LIX1: variants seen among roughly 807,000 people sequenced by gnomAD.
LIX1 encodes the protein protein limb expression 1 homolog.
A neutral mutation model predicts 33.4 loss-of-function variants in LIX1; 24 were observed. The observed-to-expected ratio is 0.72, with a 90% CI of 0.52 to 1.01. The LOEUF is 1.01. Among genes scored for constraint, LIX1 ranks in the 50% least tolerant of loss-of-function variants. The pLI is 0.00. For missense variants in LIX1, 311 were observed against 339.2 expected, an observed-to-expected ratio of 0.92 and a Z score of 0.65; for synonymous variants, 124 against 124.0, an observed-to-expected ratio of 1.00 and a Z score of 0.00.
At position 97,094,909 on chromosome 5, in the gene LIX1, T is replaced by C. The variant is rs1415554802; in HGVS notation, c.688A>G (p.Arg230Gly). 3 of 1,614,180 alleles carry C rather than the reference T, an allele frequency of 1.9e-6. No homozygotes were observed. The highest frequency in any genetic ancestry group is 1.7e-6 in the Non-Finnish European group (2 of 1,180,036). The part of the protein sequence containing the change: ...IVSQELRMAL[R>G]QLEEARKAGQ... ...GCTTTCCTGGCTTCCTCCAACTGCCTCAGGGCCATTCGTAGCTCTTGAGAG... is the reference window on the plus strand; with the variant it reads ...GCTTTCCTGGCTTCCTCCAACTGCCCCAGGGCCATTCGTAGCTCTTGAGAG... The change falls in exon 6 of 6, where the codon AGG becomes GGG. Residue 230 changes from arginine (R) to glycine (G), a missense_variant. Transcript: ENST00000274382.
intron 1 of LIX1, among the ~76,000 whole-genome samples, chr5:97,128,159 G>A (rs2112792574): frequency 6.6e-6 from 1 of 152,268 alleles, no homozygotes; most frequent in East Asian, 1.9e-4. Flanking sequence ...GACTATCTCT[G>A]CTTCCTTATG....
intron 1 of LIX1, among the ~76,000 whole-genome samples, chr5:97,127,137 G>A (rs533355704): frequency 6.6e-6 from 1 of 152,274 alleles, no homozygotes; most frequent in South Asian, 2.1e-4. Flanking sequence ...ATTGAAGACT[G>A]TAACTAATGC....
In LIX1 at chr5:97,103,913, C is replaced by A. The variant is rs561920023; in HGVS notation, c.483+1277G>T. Among the ~76,000 whole-genome samples, 1,079 of 146,574 alleles carry A rather than the reference C, an allele frequency of 7.4e-3. 13 individuals carry two copies. The highest frequency in any genetic ancestry group is 0.026 in the African/African-American group (1,017 of 39,758). On this transcript the variant is annotated intron_variant, in intron 4 of 5. Transcript: ENST00000274382. ...CTGGGAGGCAGAGCTTGCAGTGAGC[C>A]AAGATCAGGCCACTGCACTCCAGCC...
chr5:97,099,403 GT>G (rs1746561903), intron 4 of LIX1, among the ~76,000 whole-genome samples: 2 of 152,148 alleles, frequency 1.3e-5, no homozygotes, highest in Admixed American at 6.5e-5. Flanking sequence ...TGGGAAGATT[GT>G]TTTAATATTT....
At chr5:97,107,264 T>TA in intron 3 of LIX1, 96 bp downstream of exon 3, 1 of 1,266,080 alleles carries the variant, frequency 7.9e-7, no homozygotes, top group Non-Finnish European at 1.1e-6. Flanking sequence ...ACAGAATTCT[T>TA]AAAATAAGAA....
chr5:97,134,237 A>G (rs1185937837), intron 1 of LIX1, among the ~76,000 whole-genome samples: 1 of 152,216 alleles, frequency 6.6e-6, no homozygotes, highest in Non-Finnish European at 1.5e-5. Flanking sequence ...CTCCTGCCTC[A>G]GCTTCCTGAG....
At chr5:97,120,233 T>G (rs1747744851) in intron 2 of LIX1, among the ~76,000 whole-genome samples, 1 of 152,204 alleles carries the variant, frequency 6.6e-6, no homozygotes, top group African/African-American at 2.4e-5. Context: ...TAGCTGACTA[T>G]TGGTTACATA....
At chr5:97,103,632 C>G (rs542374918) in intron 4 of LIX1, among the ~76,000 whole-genome samples, 8 of 152,146 alleles carry the variant, frequency 5.3e-5, no homozygotes, top group African/African-American at 1.9e-4. Flanking sequence ...AGACAGGCTA[C>G]GTCAAAGGTC....
At chr5:97,113,923 A>G (rs1747546362) in intron 2 of LIX1, among the ~76,000 whole-genome samples, 1 of 152,182 alleles carries the variant, frequency 6.6e-6, no homozygotes, top group Non-Finnish European at 1.5e-5. Flanking sequence ...GATAAATGGT[A>G]CTCACTGAGG....
intron 2 of LIX1, among the ~76,000 whole-genome samples, chr5:97,114,618 G>A (rs1000678539): frequency 1.2e-4 from 18 of 152,108 alleles, no homozygotes; most frequent in Admixed American, 5.9e-4. Context: ...TACTGAATCC[G>A]AATCTCTTCA....
intron 1 of LIX1, among the ~76,000 whole-genome samples, chr5:97,126,805 A>C (rs1747939383): frequency 1.3e-5 from 2 of 151,662 alleles, no homozygotes; most frequent in African/African-American, 4.8e-5. Flanking sequence ...ACGCCCAGCT[A>C]ATTTTTTTGT....
intron 2 of LIX1, among the ~76,000 whole-genome samples, chr5:97,110,384 C>T (rs1219893583): frequency 6.6e-6 from 1 of 152,170 alleles, no homozygotes; most frequent in Non-Finnish European, 1.5e-5. Flanking sequence ...CAATTAAGGG[C>T]AGGCAGAAGA....
At chr5:97,116,940 C>A (rs1422722927) in intron 2 of LIX1, among the ~76,000 whole-genome samples, 3 of 152,052 alleles carry the variant, frequency 2.0e-5, no homozygotes, top group Non-Finnish European at 2.9e-5. Context: ...TACCATGGGG[C>A]CTTTCCTAAT....
chr5:97,140,539 A>G (rs564218761), intron 1 of LIX1, among the ~76,000 whole-genome samples: 274 of 152,316 alleles, frequency 1.8e-3, no homozygotes, highest in Non-Finnish European at 2.7e-3. Flanking sequence ...TGGGTATGCC[A>G]AAGAAAATGG....
intron 2 of LIX1, among the ~76,000 whole-genome samples, chr5:97,123,485 C>T (rs1299844650): frequency 1.3e-5 from 2 of 152,114 alleles, no homozygotes; most frequent in African/African-American, 2.4e-5. Flanking sequence ...TAGTGAAGTC[C>T]CTTCACCTTT....
In LIX1 at chr5:97,120,274, T is replaced by A. The variant is rs143385625; in HGVS notation, c.246+4192A>T. Among the ~76,000 whole-genome samples the A allele has an allele frequency of 3.5e-3, 531 of 152,346 alleles. 5 individuals are homozygous for A. The highest frequency in any genetic ancestry group is 0.012 in the African/African-American group (499 of 41,574). On this transcript the variant is annotated intron_variant, in intron 2 of 5. Transcript: ENST00000274382. ...ATGGACAAACATTAACTTCATTTAT[T>A]CTTTGGATTTGTTATTCATTCATTT...
At chr5:97,095,967 A>G (rs1316982953) in intron 5 of LIX1, among the ~76,000 whole-genome samples, 1 of 152,236 alleles carries the variant, frequency 6.6e-6, no homozygotes, top group Non-Finnish European at 1.5e-5. Context: ...CATCTTTGAC[A>G]TCTGAAACCT....
chr5:97,106,722 C>T (rs887502196), intron 3 of LIX1, among the ~76,000 whole-genome samples: 1 of 152,092 alleles, frequency 6.6e-6, no homozygotes, highest in Non-Finnish European at 1.5e-5. Flanking sequence ...AAAAAAAAAT[C>T]CTATCTAATT....
chr5:97,096,691 T>C (rs951069835), intron 5 of LIX1, 119 bp downstream of exon 5: 2 of 718,196 alleles, frequency 2.8e-6, no homozygotes, highest in African/African-American at 1.8e-5. Flanking sequence ...CTGCTCTTAA[T>C]AAATAAGGTA....
Sources: allele counts gnomAD v4.1 joint callset (sites outside exome capture counted in the v4.1 genomes callset), GRCh38; gene constraint gnomAD v4.1.1; transcripts MANE v1.5; gene names NCBI Gene and HGNC (gene_info 2026-07-23, HGNC 2026-07-21).